The following LYPD6 variants were observed in gnomAD, a reference collection of about 807,000 sequenced individuals.
LYPD6 encodes the protein ly6/PLAUR domain-containing protein 6.
In LYPD6, 15 loss-of-function variants were observed where a neutral mutation model predicts 22.7. The ratio of observed to expected loss-of-function variants is 0.66; its 90% CI spans 0.44 to 1.02. The LOEUF (loss-of-function observed/expected upper bound fraction) is 1.02, where lower values mean the gene tolerates loss of function less well. LYPD6 is among the 50% of genes least tolerant of loss of function. LYPD6 has a pLI of 0.00. For synonymous variants in LYPD6, 72 were observed against 77.5 expected (o/e 0.93, Z 0.37); for missense variants, 189 against 208.4 (o/e 0.91, Z 0.57).
At chr2:149,428,529 G>A (rs1157713065) in intron 1 of LYPD6, among the ~76,000 whole-genome samples, 1 of 152,090 alleles carries the variant, frequency 6.6e-6, no homozygotes, top group Non-Finnish European at 1.5e-5. Context: ...TCACACCTTG[G>A]GGGCTCCTGT....
chr2:149,370,278 C>G (rs886504400), intron 1 of LYPD6, among the ~76,000 whole-genome samples: 6 of 152,110 alleles, frequency 3.9e-5, no homozygotes, highest in Non-Finnish European at 8.8e-5. Context: ...ATAGGAGCCC[C>G]AAGTTGGGCC....
chr2:149,348,061 CAAAAAAA>C (rs58228847), intron 1 of LYPD6, among the ~76,000 whole-genome samples: 29 of 76,696 alleles, frequency 3.8e-4, no homozygotes, highest in Middle Eastern at 0.011. Context: ...ACTAAAAATA[CAAAAAAA>C]AAAAAAAAAA....
At chr2:149,445,143 A>T (rs1367586901) in intron 2 of LYPD6, among the ~76,000 whole-genome samples, 2 of 152,196 alleles carry the variant, frequency 1.3e-5, no homozygotes, top group Non-Finnish European at 2.9e-5. Flanking sequence ...TGTATTGCCA[A>T]TGAGCAGTAG....
At chr2:149,484,869 CCTCTAAGGATATCT>C in the LYPD6 span, among the ~76,000 whole-genome samples, 1 of 152,082 alleles carries the variant, frequency 6.6e-6, no homozygotes, top group Non-Finnish European at 1.5e-5. Flanking sequence ...TCCCTGTATC[CCTCTAAGGATATCT>C]TTAGTACTGC....
At chr2:149,441,466 TG>T (rs1683567459) in intron 2 of LYPD6, among the ~76,000 whole-genome samples, 1 of 152,204 alleles carries the variant, frequency 6.6e-6, no homozygotes, top group Non-Finnish European at 1.5e-5. Flanking sequence ...GGGGAGAGAT[TG>T]GAACACCAGG....
chr2:149,448,323 A>G (rs1467566117), intron 2 of LYPD6, among the ~76,000 whole-genome samples: 1 of 152,144 alleles, frequency 6.6e-6, no homozygotes, highest in African/African-American at 2.4e-5. Flanking sequence ...AAGAAAAACT[A>G]TAGCATAATA....
chr2:149,412,796 TGCC>T (rs1439742436), intron 1 of LYPD6, among the ~76,000 whole-genome samples: 1 of 152,210 alleles, frequency 6.6e-6, no homozygotes, highest in Non-Finnish European at 1.5e-5. Context: ...GGATCCAAAC[TGCC>T]TTTTGTGGCA....
intron 3 of LYPD6, among the ~76,000 whole-genome samples, chr2:149,449,896 T>C (rs1214430810): frequency 2.6e-5 from 4 of 152,206 alleles, no homozygotes; most frequent in Admixed American, 1.3e-4. Context: ...GCTGATCTAA[T>C]TCAGTTGTTA....
intron 2 of LYPD6, among the ~76,000 whole-genome samples, chr2:149,439,676 G>A (rs1369962107): frequency 1.3e-5 from 2 of 152,158 alleles, no homozygotes; most frequent in African/African-American, 4.8e-5. Context: ...CCTGTGTGTT[G>A]GGTCTCTATT....
At chr2:149,456,243 T>G (rs1680954911) in intron 3 of LYPD6, among the ~76,000 whole-genome samples, 2 of 152,248 alleles carry the variant, frequency 1.3e-5, no homozygotes, top group Non-Finnish European at 2.9e-5. Context: ...TTCTTTCATC[T>G]TGGGCTCTTT....
intron 1 of LYPD6, among the ~76,000 whole-genome samples, chr2:149,348,414 A>T (rs912380398): frequency 6.6e-6 from 1 of 152,156 alleles, no homozygotes; most frequent in Non-Finnish European, 1.5e-5. Context: ...GGCAGCTGGT[A>T]CCTTTAACTG....
intron 1 of LYPD6, among the ~76,000 whole-genome samples, chr2:149,349,521 C>A (rs1681321225): frequency 6.6e-6 from 1 of 152,062 alleles, no homozygotes; most frequent in African/African-American, 2.4e-5. Flanking sequence ...GAAAACACAC[C>A]AAAGTCATGA....
intron 1 of LYPD6, among the ~76,000 whole-genome samples, chr2:149,400,611 G>T (rs1044271239): frequency 3.1e-5 from 3 of 97,638 alleles, no homozygotes; most frequent in African/African-American, 1.2e-4. Flanking sequence ...ACTAAATGTC[G>T]TATATAAACT....
At chr2:149,455,201 TC>T (rs1680928009) in intron 3 of LYPD6, among the ~76,000 whole-genome samples, 1 of 152,058 alleles carries the variant, frequency 6.6e-6, no homozygotes, top group Non-Finnish European at 1.5e-5. Context: ...TGGTAAGCCA[TC>T]CCATTTCAGC....
chr2:149,372,954 C>A (rs1337236558), intron 1 of LYPD6, among the ~76,000 whole-genome samples: 1 of 152,146 alleles, frequency 6.6e-6, no homozygotes, highest in Non-Finnish European at 1.5e-5. Context: ...TCAGTGTAAA[C>A]CTTTCTGGAG....
intron 3 of LYPD6, among the ~76,000 whole-genome samples, chr2:149,451,566 A>G (rs1680810814): frequency 6.6e-6 from 1 of 152,186 alleles, no homozygotes; most frequent in African/African-American, 2.4e-5. Flanking sequence ...TCAAAAAGAA[A>G]AAGCAAGGGA....
At chr2:149,393,495 G>A (rs962472370) in intron 1 of LYPD6, among the ~76,000 whole-genome samples, 1 of 152,096 alleles carries the variant, frequency 6.6e-6, no homozygotes, top group South Asian at 2.1e-4. Flanking sequence ...GTTCTTTCAG[G>A]TACTAAAGAG....
At chr2:149,347,250 G>C (rs1358964929) in intron 1 of LYPD6, among the ~76,000 whole-genome samples, 1 of 152,160 alleles carries the variant, frequency 6.6e-6, no homozygotes, top group African/African-American at 2.4e-5. Context: ...GAGCACTAAT[G>C]CTATTCAAGA....
rs991180951 is a variant in LYPD6, at chr2:149,473,001, G to C, written c.*2151G>C. On this transcript the variant is annotated 3_prime_UTR_variant, in exon 5 of 5. Transcript: ENST00000334166. ...GATGTTTTTTCTTTGGGGAGTAGGG[G>C]TTTGGCTTCCTCATTCATCCCTCTT... 2 of 152,546 alleles carry C rather than the reference G, an allele frequency of 1.3e-5. No individual in the cohort carries two copies. The highest frequency in any genetic ancestry group is 2.9e-5 in the Non-Finnish European group (2 of 68,034). The allele number at this position is 152,546 out of a possible 1,614,324, so 9.4% of individuals were successfully genotyped here. A position where few individuals can be genotyped will look rare whatever the true frequency, so the allele number is the denominator to read the frequency against.
Sources: gnomAD v4.1 joint callset for allele counts (sites outside exome capture counted in the v4.1 genomes callset) on GRCh38, gnomAD v4.1.1 for gene constraint, MANE v1.5 for transcripts, NCBI Gene and HGNC (gene_info 2026-07-23, HGNC 2026-07-21) for gene names.